TBC1D2: variants seen among roughly 807,000 people sequenced by gnomAD.
TBC1D2 encodes the protein TBC1 domain family member 2A.
In TBC1D2, 58 loss-of-function variants were observed where a neutral mutation model predicts 91.1. That is an observed-to-expected ratio of 0.64 (90% CI 0.52 to 0.79). TBC1D2 has a LOEUF of 0.79. TBC1D2 is among the 30% of genes least tolerant of loss of function. TBC1D2 has a pLI of 0.00. For missense variants in TBC1D2, 1,080 were observed against 1,208.3 expected (o/e 0.89, Z 1.57); for synonymous variants, 482 against 511.5 (o/e 0.94, Z 0.78).
At chr9:98,216,752 T>C (rs1029145232) in intron 6 of TBC1D2, among the ~76,000 whole-genome samples, 1 of 152,220 alleles carries the variant, frequency 6.6e-6, no homozygotes, top group African/African-American at 2.4e-5. Flanking sequence ...TCACCCAGGC[T>C]GGAATGCAAT....
chr9:98,240,628 A>C (rs192340838), intron 3 of TBC1D2, among the ~76,000 whole-genome samples: 1 of 152,266 alleles, frequency 6.6e-6, no homozygotes, highest in Non-Finnish European at 1.5e-5. Flanking sequence ...GGTAATCATC[A>C]CTGCTGCCCA....
chr9:98,226,365 A>G (rs559222562), intron 5 of TBC1D2, among the ~76,000 whole-genome samples: 29 of 152,266 alleles, frequency 1.9e-4, no homozygotes, highest in Admixed American at 1.4e-3. Flanking sequence ...AGAGATTGAC[A>G]TGGAGGGTAA....
intron 3 of TBC1D2, among the ~76,000 whole-genome samples, chr9:98,233,856 T>G (rs1829436762): frequency 1.3e-5 from 2 of 152,196 alleles, no homozygotes; most frequent in South Asian, 4.1e-4. Context: ...TATTGTCCGT[T>G]TTGTTAACTG....
intron 7 of TBC1D2, among the ~76,000 whole-genome samples, chr9:98,212,697 G>T (rs1271784176): frequency 6.6e-6 from 1 of 152,010 alleles, no homozygotes; most frequent in African/African-American, 2.4e-5. Flanking sequence ...GTAGAGATGG[G>T]GTTTCACCGT....
chr9:98,225,485 G>C (rs1266128787), intron 5 of TBC1D2, among the ~76,000 whole-genome samples: 1 of 152,188 alleles, frequency 6.6e-6, no homozygotes, highest in Non-Finnish European at 1.5e-5. Flanking sequence ...TGAGACTATG[G>C]AAGAGAGGAG....
At chr9:98,240,881 G>A (rs1588060306) in intron 3 of TBC1D2, among the ~76,000 whole-genome samples, 1 of 152,274 alleles carries the variant, frequency 6.6e-6, no homozygotes, top group East Asian at 1.9e-4. Flanking sequence ...AACTTTGCTT[G>A]GAGCAGTTCA....
At position 98,208,294 on chromosome 9, in the gene TBC1D2, C is replaced by T. The variant is rs558777470; in HGVS notation, c.2150+374G>A. The stretch of plus-strand genomic sequence containing the variant: ...GAGAGACAGCAGTGCTCTAAAACAA[C>T]GGTCCCCAACCTTTTTGGCACTAGG... On this transcript the variant is annotated intron_variant, in intron 9 of 12. Coordinates refer to ENST00000465784, the MANE Select transcript of TBC1D2 (RefSeq NM_001267571.2). Among the ~76,000 whole-genome samples, 5 of 152,228 alleles carry T rather than the reference C, an allele frequency of 3.3e-5. No homozygotes were observed. In the East Asian group the frequency reaches 5.8e-4, roughly 18 times the overall value.
At chr9:98,245,739 T>A (rs1442431780) in intron 2 of TBC1D2, among the ~76,000 whole-genome samples, 1 of 152,164 alleles carries the variant, frequency 6.6e-6, no homozygotes, top group African/African-American at 2.4e-5. Context: ...ACAATAAACA[T>A]GGGTTACTTT....
intron 5 of TBC1D2, 54 bp from the exon 6 acceptor site, chr9:98,221,282 C>T: frequency 2.7e-6 from 4 of 1,482,416 alleles, no homozygotes; most frequent in Non-Finnish European, 2.7e-6. Context: ...TGCTGGGCGC[C>T]ACAGTGGGGT....
intron 5 of TBC1D2, among the ~76,000 whole-genome samples, chr9:98,224,908 C>A (rs34891516): frequency 0.033 from 5,095 of 152,230 alleles, 132 homozygotes; most frequent in South Asian, 0.05. Context: ...GGGGCTAAAG[C>A]TTCCTCTTCT....
chr9:98,235,320 A>G (rs947199115), intron 3 of TBC1D2: 18 of 407,540 alleles, frequency 4.4e-5, no homozygotes, highest in African/African-American at 2.5e-4. Flanking sequence ...GATCGTGAGA[A>G]GATAGAGGCC....
chr9:98,244,017 G>C lies in TBC1D2; in HGVS notation c.624C>G (p.Leu208=), dbSNP rs1829708809. 2 of 1,609,070 alleles carry C rather than the reference G, an allele frequency of 1.2e-6. No homozygotes were observed. Among genetic ancestry groups the C allele is most frequent in the South Asian group, 1.1e-5 (1 of 89,902 alleles). ...QPFPALQNIS[L]KHLGTEIQNT... is the part of the protein sequence containing the mutation. ...ACTGTATTTCAGTCCCCAGGTGCTT[G>C]AGGGAAATATTCTGAAGGGCAGGGA... Residue 208 remains leucine, a synonymous_variant, in exon 3 of 13, where the codon CTC becomes CTG. Transcript: ENST00000465784.
At chr9:98,223,351 G>A (rs1829145738) in intron 5 of TBC1D2, among the ~76,000 whole-genome samples, 2 of 152,216 alleles carry the variant, frequency 1.3e-5, no homozygotes, top group Non-Finnish European at 2.9e-5. Context: ...CCATGGAGCT[G>A]TGGGAGCCCT....
chr9:98,223,928 G>C (rs1462731087), intron 5 of TBC1D2, among the ~76,000 whole-genome samples: 2 of 152,174 alleles, frequency 1.3e-5, no homozygotes, highest in African/African-American at 4.8e-5. Context: ...GGCCGGGCGT[G>C]GTGGCTCACG....
At chr9:98,219,638 C>T (rs1347734183) in intron 6 of TBC1D2, among the ~76,000 whole-genome samples, 1 of 152,226 alleles carries the variant, frequency 6.6e-6, no homozygotes, top group Non-Finnish European at 1.5e-5. Flanking sequence ...TGTTACGGTA[C>T]TGAATACCAT....
intron 3 of TBC1D2, among the ~76,000 whole-genome samples, chr9:98,243,462 G>A (rs958293455): frequency 2.0e-5 from 3 of 151,832 alleles, no homozygotes; most frequent in Admixed American, 6.6e-5. Flanking sequence ...TCGTCCAGTG[G>A]GTAATTTTTT....
chr9:98,243,534 A>ATTTTTT (rs368728395), intron 3 of TBC1D2, among the ~76,000 whole-genome samples: 3 of 125,328 alleles, frequency 2.4e-5, no homozygotes, highest in Admixed American at 8.1e-5. Context: ...CAATGAATGT[A>ATTTTTT]TTTTTTTTTT....
At position 98,221,230 on chromosome 9, in the gene TBC1D2, T is replaced by A; in HGVS notation, c.979-2A>T. The A allele has an allele frequency of 3.9e-6, 6 of 1,532,860 alleles. No homozygotes were observed. Among genetic ancestry groups the A allele is most frequent in the African/African-American group, 1.4e-5 (1 of 72,978 alleles). 95.0% of individuals were successfully genotyped at this position (1,532,860 alleles called of 1,614,324 possible). A position where few individuals can be genotyped will look rare whatever the true frequency, so the allele number is the denominator to read the frequency against. On this transcript the variant is annotated splice_acceptor_variant, in intron 5 of 12. Coordinates refer to ENST00000465784, the MANE Select transcript of TBC1D2 (RefSeq NM_001267571.2). LOFTEE classifies it high-confidence loss of function. ...CTTGTGCAGGATCTTCACTAGCTCC[T>A]GGGCAGGGAGAGGGAAGAATCTTGT...
chr9:98,199,222 A>G lies in TBC1D2; in HGVS notation c.*159T>C, dbSNP rs760167812. 2.7e-5 allele frequency: 21 copies of G among 789,034 alleles called. No individual in the cohort carries two copies. Among genetic ancestry groups the G allele is most frequent in the Non-Finnish European group, 3.7e-5 (18 of 492,494 alleles). The allele number at this position is 789,034 out of a possible 1,614,324, so 48.9% of individuals were successfully genotyped here. ...CCAACCAATGGCTTTGCAGCACACA[A>G]TGTCCCAGTGGGGAAACTGAGGGCC... On this transcript the variant is annotated 3_prime_UTR_variant, in exon 13 of 13. Coordinates refer to ENST00000465784, the MANE Select transcript of TBC1D2 (RefSeq NM_001267571.2).
Sources: allele counts gnomAD v4.1 joint callset (sites outside exome capture counted in the v4.1 genomes callset), GRCh38; gene constraint gnomAD v4.1.1; transcripts MANE v1.5; gene names NCBI Gene and HGNC (gene_info 2026-07-23, HGNC 2026-07-21).